USP10: variants seen among roughly 807,000 people sequenced by gnomAD.
USP10 encodes the protein ubiquitin specific peptidase 10.
A neutral mutation model predicts 84.5 loss-of-function variants in USP10; 22 were observed. The observed-to-expected ratio is 0.26, with a 90% CI of 0.19 to 0.37. USP10 has a LOEUF of 0.37. Ranked by LOEUF, USP10 falls within the 10% of genes least tolerant of loss-of-function variation. The pLI is 1.00. For synonymous variants in USP10, 454 were observed against 387.6 expected, an observed-to-expected ratio of 1.17 and a Z score of -2.01; for missense variants, 1,019 against 998.9, an observed-to-expected ratio of 1.02 and a Z score of -0.27.
At chr16:84,704,673 A>C in intron 1 of USP10, 1 of 1,450,680 alleles carries the variant, frequency 6.9e-7, no homozygotes, top group Non-Finnish European at 9.0e-7. Flanking sequence ...ATTTATCATA[A>C]ACCTCGATGT....
intron 1 of USP10, among the ~76,000 whole-genome samples, chr16:84,717,936 G>A (rs1907263089): frequency 1.3e-5 from 2 of 152,122 alleles, no homozygotes; most frequent in South Asian, 4.2e-4. Flanking sequence ...CCAGAAATTT[G>A]GGATTCGTGA....
chr16:84,704,667 A>G, intron 1 of USP10: 1 of 1,444,496 alleles, frequency 6.9e-7, no homozygotes, highest in African/African-American at 1.4e-5. Context: ...TGTAGAATTT[A>G]TCATAAACCT....
At chr16:84,748,561 C>T (rs1043592596) in intron 4 of USP10, among the ~76,000 whole-genome samples, 14 of 152,164 alleles carry the variant, frequency 9.2e-5, no homozygotes, top group Non-Finnish European at 1.9e-4. Flanking sequence ...GCCTCAGCCT[C>T]TCAAAGTGCT....
intron 1 of USP10, among the ~76,000 whole-genome samples, chr16:84,711,869 GCCA>G (rs1190106187): frequency 6.6e-6 from 1 of 152,030 alleles, no homozygotes; most frequent in Non-Finnish European, 1.5e-5. Context: ...ACAGGTGCGT[GCCA>G]CCATGGCTGG....
At chr16:84,776,639 C>T (rs1444250572) in intron 13 of USP10, among the ~76,000 whole-genome samples, 2 of 152,156 alleles carry the variant, frequency 1.3e-5, no homozygotes, top group Non-Finnish European at 2.9e-5. Flanking sequence ...TGCACCTCTT[C>T]CCCTGGAGGC....
chr16:84,742,857 G>A (rs909446192), intron 3 of USP10, among the ~76,000 whole-genome samples: 1 of 152,306 alleles, frequency 6.6e-6, no homozygotes, highest in Non-Finnish European at 1.5e-5. Context: ...TTCTGTTCAC[G>A]TTACATCACA....
rs192309750 is a variant in USP10 at position 84,745,593 on chromosome 16, C to A, written c.1112C>A (p.Pro371His). The A allele has an allele frequency of 7.4e-6, 12 of 1,613,582 alleles. No individual in the cohort carries two copies. Among genetic ancestry groups the A allele is most frequent in the Non-Finnish European group, 1.0e-5 (12 of 1,179,724 alleles). ...ETKYSPPAISPLVSEKQVEVK... is the reference protein window; with the variant it reads ...ETKYSPPAISHLVSEKQVEVK... The stretch of plus-strand genomic sequence containing the variant: ...AAGTATTCCCCTCCCGCCATATCTC[C>A]CCTGGTTTCTGAAAAGCAGGTTGAA... The change falls in exon 4 of 14, where the codon CCC becomes CAC. Residue 371 changes from proline to histidine, a missense_variant. This residue lies in a region of USP10 where 787 missense variants were observed against 708.8 expected (regional missense o/e 1.11). Transcript: ENST00000219473.
intron 1 of USP10, among the ~76,000 whole-genome samples, chr16:84,710,331 C>A (rs1281866398): frequency 1.3e-5 from 2 of 151,312 alleles, no homozygotes; most frequent in Non-Finnish European, 2.9e-5. Flanking sequence ...TACTTAGATG[C>A]TTCGAAAGTT....
chr16:84,732,347 G>C, intron 1 of USP10: 1 of 356,874 alleles, frequency 2.8e-6, no homozygotes, highest in Non-Finnish European at 5.4e-6. Flanking sequence ...ATCATACGTG[G>C]GCATTTGTAG....
chr16:84,706,452 C>T (rs561527947), intron 1 of USP10, among the ~76,000 whole-genome samples: 2 of 149,964 alleles, frequency 1.3e-5, no homozygotes, highest in South Asian at 2.1e-4. Context: ...ATTTCCCTTA[C>T]GTGGCTGCAA....
At chr16:84,705,225 G>A (rs1905319923) in intron 1 of USP10, among the ~76,000 whole-genome samples, 1 of 150,194 alleles carries the variant, frequency 6.7e-6, no homozygotes, top group African/African-American at 2.5e-5. Flanking sequence ...CCTGTGCCTT[G>A]TTTTTTTTGT....
rs188714567 is a variant in USP10, at chr16:84,737,566, C to T, written c.91-2743C>T. On this transcript the variant is annotated intron_variant, in intron 2 of 13. Transcript: ENST00000219473. ...AACCCATCTGGCATTCCTGCAGGTGCGCTCTTTTATCAGCTTAGCAAATCA... is the reference window on the plus strand; with the variant it reads ...AACCCATCTGGCATTCCTGCAGGTGTGCTCTTTTATCAGCTTAGCAAATCA... 6.8e-4 allele frequency among the ~76,000 whole-genome samples: 103 copies of T among 152,316 alleles called. No individual in the cohort carries two copies. In the Middle Eastern group the frequency reaches 0.01, roughly 15 times the overall value.
chr16:84,708,091 A>G (rs1905780980), intron 1 of USP10, among the ~76,000 whole-genome samples: 1 of 151,964 alleles, frequency 6.6e-6, no homozygotes, highest in Admixed American at 6.6e-5. Context: ...AAAAGAAAAG[A>G]TAAGAAATAT....
chr16:84,767,517 A>G (rs778780666), intron 10 of USP10, among the ~76,000 whole-genome samples: 14 of 152,064 alleles, frequency 9.2e-5, no homozygotes, highest in Non-Finnish European at 1.5e-4. Context: ...AAAATCCTCT[A>G]TTTACCTTGG....
At chr16:84,751,477 C>G (rs77676929) in intron 4 of USP10, among the ~76,000 whole-genome samples, 27 of 152,302 alleles carry the variant, frequency 1.8e-4, no homozygotes, top group African/African-American at 6.5e-4. Flanking sequence ...GTTAAAAAGG[C>G]GTGGCACCTG....
Position 84,733,447 on chromosome 16 carries a change from G to A in USP10, c.34G>A (p.Asp12Asn), listed in dbSNP as rs1909499616. 6.2e-7 allele frequency: 1 copy of A among 1,606,142 alleles called. No individual in the cohort carries two copies. The highest frequency in any genetic ancestry group is 1.3e-5 in the African/African-American group (1 of 74,520). Residue 12 changes from aspartate (D) to asparagine (N), a missense_variant, in exon 2 of 14, where the codon GAT becomes AAT. Asp to Asn is a conservative substitution (Grantham distance 23). Transcript: ENST00000219473. ...TATTTTTTTTCAGTATATTTTTGGA[G>A]ATTTTAGCCCTGATGAATTCAATCA... ...ALHSPQYIFG[D>N]FSPDEFNQFF...
At chr16:84,740,722 G>A (rs944173957) in intron 3 of USP10, among the ~76,000 whole-genome samples, 1 of 152,342 alleles carries the variant, frequency 6.6e-6, no homozygotes, top group Non-Finnish European at 1.5e-5. Context: ...TGGCTCCAGC[G>A]CCAGCTAGCT....
chr16:84,735,738 T>C (rs746581197), intron 2 of USP10, among the ~76,000 whole-genome samples: 34 of 152,268 alleles, frequency 2.2e-4, no homozygotes, highest in Non-Finnish European at 3.7e-4. Flanking sequence ...GAACTCGTAG[T>C]GTGTGTGGGC....
chr16:84,702,526 A>G (rs914724229), intron 1 of USP10, among the ~76,000 whole-genome samples: 35 of 152,324 alleles, frequency 2.3e-4, no homozygotes, highest in African/African-American at 8.4e-4. Flanking sequence ...CTTAATGGCC[A>G]TTCATTCATT....
Sources: gnomAD v4.1 joint callset for allele counts (sites outside exome capture counted in the v4.1 genomes callset) on GRCh38, gnomAD v4.1.1 for gene constraint, gnomAD v4.1.1 regional missense constraint, MANE v1.5 for transcripts, NCBI Gene and HGNC (gene_info 2026-07-23, HGNC 2026-07-21) for gene names.